Variants in PPFIBP1 observed in about 807,000 individuals in gnomAD.
The protein encoded by PPFIBP1 is liprin-beta-1.
A neutral mutation model predicts 137.8 loss-of-function variants in PPFIBP1; 112 were observed. The observed-to-expected ratio is 0.81, with a 90% confidence interval of 0.70 to 0.95. The LOEUF is 0.95. Ranked by LOEUF, PPFIBP1 falls within the 40% of genes least tolerant of loss-of-function variation. The probability of loss-of-function intolerance (pLI) is 0.00; values close to 1 mark genes in which losing one functional copy is unlikely to be tolerated. For synonymous variants in PPFIBP1, 378 were observed against 417.3 expected (o/e 0.91, Z 1.15); for missense variants, 1,083 against 1,196.6 (o/e 0.91, Z 1.40).
chr12:27,665,604 G>A (rs55971242), intron 12 of PPFIBP1, among the ~76,000 whole-genome samples: 260 of 152,270 alleles, frequency 1.7e-3, no homozygotes, highest in African/African-American at 6.0e-3. Flanking sequence ...TGGGCCAATT[G>A]GCCATCCTCA....
chr12:27,593,988 T>G, intron 2 of PPFIBP1: 1 of 1,386,920 alleles, frequency 7.2e-7, no homozygotes, highest in Non-Finnish European at 9.4e-7. Flanking sequence ...AGGTTGGAAT[T>G]GGATTTGGAG....
chr12:27,611,964 A>G (rs781673429), intron 2 of PPFIBP1, among the ~76,000 whole-genome samples: 9 of 152,240 alleles, frequency 5.9e-5, no homozygotes, highest in African/African-American at 9.6e-5. Flanking sequence ...AGGATTTTAA[A>G]TGTAATTCGT....
chr12:27,606,711 C>T (rs2054564306), intron 2 of PPFIBP1, among the ~76,000 whole-genome samples: 1 of 152,174 alleles, frequency 6.6e-6, no homozygotes, highest in Admixed American at 6.5e-5. Flanking sequence ...AGAAAATTAT[C>T]CCACAATATT....
At chr12:27,606,902 G>A (rs938584000) in intron 2 of PPFIBP1, among the ~76,000 whole-genome samples, 1 of 152,092 alleles carries the variant, frequency 6.6e-6, no homozygotes, top group African/African-American at 2.4e-5. Flanking sequence ...TACTCCATCC[G>A]TACTTGCTAT....
chr12:27,680,215 G>T (rs1232991268), intron 21 of PPFIBP1, among the ~76,000 whole-genome samples, 154 bp downstream of exon 21: 1 of 152,166 alleles, frequency 6.6e-6, no homozygotes, highest in Non-Finnish European at 1.5e-5. Flanking sequence ...CGTGCAATTT[G>T]TCAATGGTTG....
chr12:27,593,586 T>A, intron 2 of PPFIBP1: 2 of 394,972 alleles, frequency 5.1e-6, no homozygotes, highest in Non-Finnish European at 9.7e-6. Context: ...AAACACAGCA[T>A]CATCATCTTC....
intron 2 of PPFIBP1, among the ~76,000 whole-genome samples, chr12:27,589,067 C>T (rs565394146): frequency 2.6e-5 from 4 of 152,246 alleles, no homozygotes; most frequent in Non-Finnish European, 4.4e-5. Flanking sequence ...AGGAAAAGAT[C>T]GACTCCAGGT....
intron 2 of PPFIBP1, among the ~76,000 whole-genome samples, chr12:27,632,761 G>A (rs527376341): frequency 8.5e-5 from 13 of 152,128 alleles, no homozygotes; most frequent in Non-Finnish European, 1.8e-4. Flanking sequence ...TAAGGATTAT[G>A]GATAATTTAT....
chr12:27,641,274 G>A (rs1291074507), intron 4 of PPFIBP1, among the ~76,000 whole-genome samples: 1 of 152,102 alleles, frequency 6.6e-6, no homozygotes, highest in African/African-American at 2.4e-5. Context: ...CATTATTGTG[G>A]CAAATCACTG....
Position 27,682,709 on chromosome 12 carries a change from T to G in PPFIBP1, c.2247+6T>G, listed in dbSNP as rs774988781. On this transcript the variant is annotated splice_donor_region_variant and intron_variant, in intron 24 of 29. Coordinates refer to ENST00000228425, the MANE Select transcript of PPFIBP1 (RefSeq NM_003622.4). The stretch of plus-strand genomic sequence containing the variant: ...TGCTACATTACATGACTGTTGTAAG[T>G]GACTCACTCCTGGGGTTTGGGGGAG... The G allele has an allele frequency of 6.2e-7, 1 of 1,614,082 alleles. No homozygotes were observed. Among genetic ancestry groups the G allele is most frequent in the Non-Finnish European group, 8.5e-7 (1 of 1,180,002 alleles).
At chr12:27,670,071 A>G (rs1433450154) in intron 13 of PPFIBP1, among the ~76,000 whole-genome samples, 1 of 151,828 alleles carries the variant, frequency 6.6e-6, no homozygotes, top group African/African-American at 2.4e-5. Context: ...GAGGTGAAGA[A>G]CTGTCACTGG....
chr12:27,545,356 A>C (rs1401130219), intron 1 of PPFIBP1, among the ~76,000 whole-genome samples: 7 of 152,308 alleles, frequency 4.6e-5, no homozygotes, highest in African/African-American at 7.2e-5. Context: ...CACGTTCTGC[A>C]CGTGTATCCC....
intron 1 of PPFIBP1, among the ~76,000 whole-genome samples, chr12:27,566,111 C>T (rs1221576191): frequency 1.3e-5 from 2 of 151,560 alleles, no homozygotes; most frequent in Admixed American, 6.6e-5. Flanking sequence ...TTTTTTGGTT[C>T]CCTATACCAT....
At chr12:27,685,314 A>T (rs867714069) in intron 24 of PPFIBP1, among the ~76,000 whole-genome samples, 8 of 152,048 alleles carry the variant, frequency 5.3e-5, no homozygotes, top group Middle Eastern at 3.4e-3. Context: ...GTGTATCTAT[A>T]GTATTATAAT....
At chr12:27,556,957 A>G (rs2048749766) in intron 1 of PPFIBP1, among the ~76,000 whole-genome samples, 1 of 13,732 alleles carries the variant, frequency 7.3e-5, no homozygotes. Context: ...CCACCCCTCA[A>G]AAAAAAAAAC....
chr12:27,636,993 C>T (rs2057724458), intron 4 of PPFIBP1: 3 of 152,236 alleles, frequency 2.0e-5, no homozygotes, highest in Non-Finnish European at 4.4e-5. Flanking sequence ...CCCTCACATT[C>T]TCCTGGTGTT....
chr12:27,535,828 C>T (rs934646619), intron 1 of PPFIBP1, among the ~76,000 whole-genome samples: 6 of 152,210 alleles, frequency 3.9e-5, no homozygotes, highest in African/African-American at 1.2e-4. Context: ...TTTTATTTCA[C>T]TTCTTGACAT....
At chr12:27,539,596 C>A (rs1025051752) in intron 1 of PPFIBP1, among the ~76,000 whole-genome samples, 1 of 152,170 alleles carries the variant, frequency 6.6e-6, no homozygotes, top group Non-Finnish European at 1.5e-5. Context: ...GCAGCTTTCC[C>A]CACTGTTTAC....
At chr12:27,607,467 A>C (rs1391356698) in intron 2 of PPFIBP1, among the ~76,000 whole-genome samples, 1 of 152,246 alleles carries the variant, frequency 6.6e-6, no homozygotes, top group Admixed American at 6.5e-5. Flanking sequence ...AAAGAAATGC[A>C]TTTGATCATT....
Sources: allele counts gnomAD v4.1 joint callset (sites outside exome capture counted in the v4.1 genomes callset), GRCh38; gene constraint gnomAD v4.1.1; transcripts MANE v1.5; gene names NCBI Gene and HGNC (gene_info 2026-07-23, HGNC 2026-07-21).